SLC14A2: variants seen among roughly 807,000 people sequenced by gnomAD.
SLC14A2 encodes solute carrier family 14 member 2.
Under a neutral mutation model 104.6 loss-of-function variants are expected in SLC14A2, and 91 were observed. The observed-to-expected ratio is 0.87, with a 90% confidence interval of 0.73 to 1.04. The LOEUF (loss-of-function observed/expected upper bound fraction) is 1.04. SLC14A2 is among the 50% of genes least tolerant of loss of function. SLC14A2 has a pLI of 0.00. For missense variants in SLC14A2, 1,189 were observed against 1,156.0 expected (o/e 1.03, Z -0.41); for synonymous variants, 476 against 466.4 (o/e 1.02, Z -0.27).
intron 1 of SLC14A2, among the ~76,000 whole-genome samples, chr18:45,377,791 C>T (rs1377569985): frequency 3.3e-5 from 5 of 152,108 alleles, no homozygotes; most frequent in Non-Finnish European, 7.3e-5. Flanking sequence ...GACAGCCTTC[C>T]ATGATTCTCT....
intron 2 of SLC14A2, among the ~76,000 whole-genome samples, chr18:45,585,707 C>T (rs111697606): frequency 8.5e-5 from 13 of 152,300 alleles, no homozygotes; most frequent in East Asian, 3.9e-4. Context: ...CTCCCATTCA[C>T]GCTACCTGCT....
intron 2 of SLC14A2, among the ~76,000 whole-genome samples, chr18:45,553,922 C>T (rs976416941): frequency 5.9e-5 from 9 of 152,132 alleles, no homozygotes; most frequent in African/African-American, 2.2e-4. Flanking sequence ...ACAAGGGTTC[C>T]CATCTGAGAA....
the SLC14A2 span, among the ~76,000 whole-genome samples, chr18:45,176,108 C>T: frequency 6.6e-6 from 1 of 152,098 alleles, no homozygotes; most frequent in African/African-American, 2.4e-5. Flanking sequence ...TGGCTGTCCG[C>T]CTCTGCCAAC....
intron 2 of SLC14A2, among the ~76,000 whole-genome samples, chr18:45,518,023 A>G (rs1027118706): frequency 1.3e-5 from 2 of 151,350 alleles, no homozygotes; most frequent in East Asian, 1.9e-4. Flanking sequence ...TCTTAACTCC[A>G]TAATAATAAT....
chr18:45,419,375 C>A (rs1467316739), intron 1 of SLC14A2, among the ~76,000 whole-genome samples: 1 of 152,202 alleles, frequency 6.6e-6, no homozygotes, highest in Non-Finnish European at 1.5e-5. Context: ...ATGATTCTCT[C>A]TCTGATGCCC....
At chr18:45,201,551 AGTGTGTGTGTGTGT>A in the SLC14A2 span, among the ~76,000 whole-genome samples, 1 of 149,516 alleles carries the variant, frequency 6.7e-6, no homozygotes, top group Non-Finnish European at 1.5e-5. Context: ...GTATGTGTGT[AGTGTGTGTGTGTGT>A]GTGTGTGTGT....
At position 45,673,790 on chromosome 18, in the gene SLC14A2, C is replaced by A. The variant is rs151319242; in HGVS notation, c.2485C>A (p.Gln829Lys). The change falls in exon 18 of 20, where the codon CAG (glutamine) becomes AAG (lysine). Residue 829 changes from glutamine (Q) to lysine (K), a missense_variant. Physicochemically the swap from Gln to Lys is moderately conservative, Grantham distance 53. Coordinates refer to ENST00000255226, the MANE Select transcript of SLC14A2 (RefSeq NM_007163.4). The part of the protein sequence containing the change: ...IGGMFYVITW[Q>K]THLLAIACAL... Reference sequence around the variant, plus strand: ...AGGCATGTTCTACGTCATCACCTGGCAGACGCACCTCCTCGCCATCGCCTG... The same window carrying A: ...AGGCATGTTCTACGTCATCACCTGGAAGACGCACCTCCTCGCCATCGCCTG... 62 of 1,614,056 alleles carry A rather than the reference C, an allele frequency of 3.8e-5. No individual in the cohort carries two copies. Among genetic ancestry groups the A allele is most frequent in the Admixed American group, 1.0e-4 (6 of 60,008 alleles).
chr18:45,262,371 C>A (rs940119125), intron 1 of SLC14A2, among the ~76,000 whole-genome samples: 1 of 152,068 alleles, frequency 6.6e-6, no homozygotes, highest in African/African-American at 2.4e-5. Flanking sequence ...GTACATGCTG[C>A]CCCTTGGGAA....
chr18:45,384,996 T>C lies in SLC14A2; in HGVS notation c.-124-98237T>C, dbSNP rs548135178. Among the ~76,000 whole-genome samples the C allele has an allele frequency of 3.9e-5, 6 of 152,222 alleles. No homozygotes were observed. The South Asian group carries it at 1.2e-3, about 32-fold the overall frequency. On this transcript the variant is annotated intron_variant, in intron 1 of 20. Transcript: ENST00000586448. ...CTCCTGCCTTTTATCATCGATGAGC[T>C]AAAACGCAGAAACAAAATGGGATAG... is the stretch of plus-strand genomic sequence containing the variant.
chr18:45,559,192 G>A (rs944952522), intron 2 of SLC14A2, among the ~76,000 whole-genome samples: 6 of 152,126 alleles, frequency 3.9e-5, no homozygotes, highest in African/African-American at 1.4e-4. Context: ...TAAAAGAAAA[G>A]ATGAGATACG....
At chr18:45,490,672 G>A (rs965506332) in intron 2 of SLC14A2, among the ~76,000 whole-genome samples, 1 of 152,188 alleles carries the variant, frequency 6.6e-6, no homozygotes, top group Non-Finnish European at 1.5e-5. Context: ...CTAAAAGACA[G>A]GTGAGAGATT....
chr18:45,186,953 C>T, the SLC14A2 span, among the ~76,000 whole-genome samples: 1 of 152,094 alleles, frequency 6.6e-6, no homozygotes, highest in Admixed American at 6.6e-5. Context: ...CCAAGGCTCT[C>T]CTTCACGAGA....
intron 2 of SLC14A2, among the ~76,000 whole-genome samples, chr18:45,535,701 A>G (rs1050724171): frequency 3.3e-5 from 5 of 152,220 alleles, no homozygotes; most frequent in Non-Finnish European, 7.3e-5. Context: ...TGGACACAAA[A>G]TGAAAAAGCT....
chr18:45,331,121 C>G (rs981027704), intron 1 of SLC14A2, among the ~76,000 whole-genome samples: 1 of 152,138 alleles, frequency 6.6e-6, no homozygotes, highest in African/African-American at 2.4e-5. Flanking sequence ...CCATTCAACC[C>G]ACAACAGCCA....
chr18:45,448,937 G>C (rs1473009988), intron 1 of SLC14A2, among the ~76,000 whole-genome samples: 7 of 152,224 alleles, frequency 4.6e-5, no homozygotes, highest in African/African-American at 9.6e-5. Context: ...GATCAGGAGA[G>C]AGAGTAAAAT....
intron 1 of SLC14A2, among the ~76,000 whole-genome samples, chr18:45,288,076 C>A (rs6507607): frequency 0.72 from 109,271 of 152,154 alleles, 40,952 homozygotes; most frequent in East Asian, 0.97. Flanking sequence ...CATCTTAGAT[C>A]CAGAAATATT....
chr18:45,498,209 G>T (rs1004222515), intron 2 of SLC14A2, among the ~76,000 whole-genome samples: 1 of 152,150 alleles, frequency 6.6e-6, no homozygotes. Flanking sequence ...TTTTAAAAAA[G>T]ATTTAGCAAT....
At chr18:45,542,773 A>C (rs1284638513) in intron 2 of SLC14A2, among the ~76,000 whole-genome samples, 1 of 152,100 alleles carries the variant, frequency 6.6e-6, no homozygotes, top group Non-Finnish European at 1.5e-5. Context: ...AGGTTTCTGC[A>C]GTGGAAGGGA....
chr18:45,463,399 G>A (rs906499721), intron 1 of SLC14A2, among the ~76,000 whole-genome samples: 2 of 152,210 alleles, frequency 1.3e-5, no homozygotes, highest in East Asian at 1.9e-4. Flanking sequence ...ACTTAATGGG[G>A]TGATGGTGAG....
Sources: gnomAD v4.1 joint callset for allele counts (sites outside exome capture counted in the v4.1 genomes callset) on GRCh38, gnomAD v4.1.1 for gene constraint, MANE v1.5 for transcripts, NCBI Gene and HGNC (gene_info 2026-07-23, HGNC 2026-07-21) for gene names.